NMNAT3: variants seen among roughly 807,000 people sequenced by gnomAD.
NMNAT3 encodes nicotinamide nucleotide adenylyltransferase 3.
Under a neutral mutation model 24.8 loss-of-function variants are expected in NMNAT3, and 21 were observed. The observed-to-expected ratio is 0.85, with a 90% CI of 0.60 to 1.22. The LOEUF (loss-of-function observed/expected upper bound fraction) is 1.22. Among genes scored for constraint, NMNAT3 ranks in the 50% most tolerant of loss-of-function variants. The pLI, the probability that NMNAT3 is intolerant of heterozygous loss-of-function variation, is 0.00. For synonymous variants in NMNAT3, 136 were observed against 155.2 expected (o/e 0.88, Z 0.92); for missense variants, 387 against 436.6 (o/e 0.89, Z 1.01).
chr3:139,627,757 C>A lies in NMNAT3; in HGVS notation c.-33G>T. The stretch of plus-strand genomic sequence containing the variant: ...GGCACATCCACACCTGTTGCAGTGG[C>A]CACCCTGCTTTTATGGGGACAAAAG... On this transcript the variant is annotated 5_prime_UTR_variant, in exon 3 of 7. Coordinates refer to ENST00000643695, the MANE Select transcript of NMNAT3 (RefSeq NM_001320510.2). The A allele has an allele frequency of 1.5e-6, 2 of 1,343,348 alleles. No homozygotes were observed. Among genetic ancestry groups the A allele is most frequent in the South Asian group, 1.3e-5 (1 of 77,202 alleles). The allele number at this position is 1,343,348 out of a possible 1,614,324, so 83.2% of individuals were successfully genotyped here.
intron 3 of NMNAT3, among the ~76,000 whole-genome samples, chr3:139,619,376 C>T (rs557181743): frequency 6.6e-6 from 1 of 152,076 alleles, no homozygotes; most frequent in Non-Finnish European, 1.5e-5. Flanking sequence ...CATATGTGAC[C>T]AAAACCCCTC....
At chr3:139,614,151 G>A (rs908049882) in intron 3 of NMNAT3, among the ~76,000 whole-genome samples, 4 of 151,604 alleles carry the variant, frequency 2.6e-5, no homozygotes, top group African/African-American at 9.7e-5. Context: ...ATAATAAAAA[G>A]AGATGCTAGA....
At chr3:139,619,175 T>C (rs958604134) in intron 3 of NMNAT3, among the ~76,000 whole-genome samples, 1 of 152,194 alleles carries the variant, frequency 6.6e-6, no homozygotes, top group Non-Finnish European at 1.5e-5. Context: ...GGGTAGGGGA[T>C]GCAATTTAAC....
At chr3:139,669,230 C>T (rs753644955) in intron 1 of NMNAT3, among the ~76,000 whole-genome samples, 21 of 151,870 alleles carry the variant, frequency 1.4e-4, no homozygotes, top group African/African-American at 3.4e-4. Flanking sequence ...CTCAGCACTT[C>T]GGGAGGCCAA....
rs1410234426 is a variant in NMNAT3, at chr3:139,622,835, T to C, written c.109+4781A>G. ...TAAAATGTATATATGATATATAATA[T>C]ATATTATATATATTATATATATATA... On this transcript the variant is annotated intron_variant, in intron 3 of 6. Transcript: ENST00000643695. Among the ~76,000 whole-genome samples, 3 of 119,296 alleles carry C rather than the reference T, an allele frequency of 2.5e-5. No individual in the cohort carries two copies. In the East Asian group the frequency reaches 6.4e-4, roughly 26 times the overall value. 78.3% of individuals were successfully genotyped at this position (119,296 alleles called of 152,430 possible). A position where few individuals can be genotyped will look rare whatever the true frequency, so the allele number is the denominator to read the frequency against.
chr3:139,575,822 T>C (rs1939213462), intron 5 of NMNAT3: 5 of 1,203,118 alleles, frequency 4.2e-6, no homozygotes, highest in Admixed American at 3.2e-5. Context: ...TCAGGAAAGA[T>C]TGGAGGGCAA....
At chr3:139,563,322 C>G (rs1936700909) in intron 6 of NMNAT3, among the ~76,000 whole-genome samples, 1 of 152,130 alleles carries the variant, frequency 6.6e-6, no homozygotes, top group South Asian at 2.1e-4. Flanking sequence ...GTCTTTCAAA[C>G]AATTAGGTAG....
chr3:139,613,478 G>A (rs1342816958), intron 3 of NMNAT3, among the ~76,000 whole-genome samples: 2 of 152,188 alleles, frequency 1.3e-5, no homozygotes, highest in East Asian at 3.9e-4. Context: ...TAAAAAGTCA[G>A]GGAACAACAG....
intron 3 of NMNAT3, among the ~76,000 whole-genome samples, chr3:139,622,178 G>C (rs759105546): frequency 6.6e-6 from 1 of 152,052 alleles, no homozygotes; most frequent in Non-Finnish European, 1.5e-5. Flanking sequence ...CATAATGGCT[G>C]TTCTAGTTTA....
At position 139,564,313 on chromosome 3, in the gene NMNAT3, G is replaced by A. The variant is rs532701129; in HGVS notation, c.659-2921C>T. On this transcript the variant is annotated intron_variant, in intron 6 of 6. Transcript: ENST00000643695. ...AATGTGGGACTTCTGGGTCTAAACAGGACATGAGAGATGAAGCATCTGACA... is the reference window on the plus strand; with the variant it reads ...AATGTGGGACTTCTGGGTCTAAACAAGACATGAGAGATGAAGCATCTGACA... 4.6e-5 allele frequency among the ~76,000 whole-genome samples: 7 copies of A among 152,286 alleles called. No individual in the cohort carries two copies. The South Asian group carries it at 1.2e-3, about 27-fold the overall frequency.
chr3:139,582,646 A>AT (rs927368806), intron 4 of NMNAT3, among the ~76,000 whole-genome samples: 2 of 148,164 alleles, frequency 1.3e-5, no homozygotes, highest in African/African-American at 5.0e-5. Context: ...TCTCAAAAAA[A>AT]AAAAAAAAAA....
rs549984263 is a variant in NMNAT3 at position 139,646,837 on chromosome 3, A to C, written c.-140-8775T>G. On this transcript the variant is annotated intron_variant, in intron 1 of 6. Coordinates refer to ENST00000643695, the MANE Select transcript of NMNAT3 (RefSeq NM_001320510.2). ...ATAGGCTTTTTGCAGGGAGGACTGA[A>C]GAGTTTGAAGCAGGAGACATAATGT... Among the ~76,000 whole-genome samples the C allele has an allele frequency of 4.6e-5, 7 of 152,358 alleles. No individual in the cohort carries two copies. The East Asian group carries it at 1.3e-3, about 29-fold the overall frequency.
intron 6 of NMNAT3, among the ~76,000 whole-genome samples, chr3:139,563,074 T>C (rs1936653357): frequency 6.6e-6 from 1 of 152,360 alleles, no homozygotes; most frequent in Admixed American, 6.5e-5. Context: ...CTCATTTATC[T>C]ACCACTCTAT....
intron 3 of NMNAT3, among the ~76,000 whole-genome samples, chr3:139,620,894 T>G (rs984546338): frequency 6.6e-6 from 1 of 152,196 alleles, no homozygotes; most frequent in Non-Finnish European, 1.5e-5. Context: ...CTTAGACTCA[T>G]GTAATCCTCT....
At chr3:139,640,297 G>T (rs767961080) in intron 1 of NMNAT3, among the ~76,000 whole-genome samples, 1 of 152,176 alleles carries the variant, frequency 6.6e-6, no homozygotes, top group Non-Finnish European at 1.5e-5. Flanking sequence ...AAACTCAGGA[G>T]ATCAGCCAGG....
chr3:139,596,956 A>G (rs867405482), intron 3 of NMNAT3, among the ~76,000 whole-genome samples: 1 of 85,098 alleles, frequency 1.2e-5, no homozygotes, highest in East Asian at 2.5e-4. Flanking sequence ...ATATATATAT[A>G]TATATATATT....
chr3:139,637,601 C>T (rs1423487345), intron 2 of NMNAT3: 1 of 152,190 alleles, frequency 6.6e-6, no homozygotes, highest in Non-Finnish European at 1.5e-5. Flanking sequence ...TGTCTCCCAC[C>T]CACCTTCTCT....
At chr3:139,607,446 A>G (rs1010777022) in intron 3 of NMNAT3, among the ~76,000 whole-genome samples, 4 of 152,246 alleles carry the variant, frequency 2.6e-5, no homozygotes, top group African/African-American at 9.6e-5. Flanking sequence ...AAAACAAATT[A>G]CTAACTAGTG....
In NMNAT3 at chr3:139,611,124, C is replaced by T. The variant is rs376080369; in HGVS notation, c.109+16492G>A. Reference sequence around the variant, plus strand: ...AATTTAATCTGGGATGCCACAAGCACGTGGGGCAGGATCGTTAGGAAATAA... The same window carrying T: ...AATTTAATCTGGGATGCCACAAGCATGTGGGGCAGGATCGTTAGGAAATAA... On this transcript the variant is annotated intron_variant, in intron 3 of 6. Coordinates refer to ENST00000643695, the MANE Select transcript of NMNAT3 (RefSeq NM_001320510.2). 1.8e-4 allele frequency among the ~76,000 whole-genome samples: 28 copies of T among 152,080 alleles called. No homozygotes were observed. In the East Asian group the frequency reaches 2.3e-3, roughly 13 times the overall value.
Sources: gnomAD v4.1 joint callset for allele counts (sites outside exome capture counted in the v4.1 genomes callset) on GRCh38, gnomAD v4.1.1 for gene constraint, MANE v1.5 for transcripts, NCBI Gene and HGNC (gene_info 2026-07-23, HGNC 2026-07-21) for gene names.